The following PEX5L variants were observed in gnomAD, a reference collection of about 807,000 sequenced individuals.
The protein encoded by PEX5L is PEX5-related protein.
Under a neutral mutation model 84.0 loss-of-function variants are expected in PEX5L, and 30 were observed. That is an observed-to-expected ratio of 0.36 (90% confidence interval 0.27 to 0.48). The LOEUF is 0.48. Among genes scored for constraint, PEX5L ranks in the 20% least tolerant of loss-of-function variants. The pLI is 0.99. For missense variants in PEX5L, 533 were observed against 754.6 expected (o/e 0.71, Z 3.44); for synonymous variants, 270 against 283.1 (o/e 0.95, Z 0.46).
At position 179,943,107 on chromosome 3, in the gene PEX5L, G is replaced by A. The variant is rs139822850; in HGVS notation, c.93+28487C>T. On this transcript the variant is annotated intron_variant, in intron 2 of 14. Coordinates refer to ENST00000467460, the MANE Select transcript of PEX5L (RefSeq NM_016559.3). ...TGAACTATATGAGTTGAATATTATT[G>A]TTGTTATTATTATTTTACTATATTT... Among the ~76,000 whole-genome samples, 50 of 152,288 alleles carry A rather than the reference G, an allele frequency of 3.3e-4. No individual in the cohort carries two copies. The East Asian group carries it at 9.1e-3, about 28-fold the overall frequency.
intron 2 of PEX5L, among the ~76,000 whole-genome samples, chr3:179,905,463 CG>C (rs1384751100): frequency 1.3e-5 from 2 of 152,026 alleles, no homozygotes; most frequent in East Asian, 1.9e-4. Flanking sequence ...TTAGTAGAGA[CG>C]GGGTTTCACC....
chr3:179,880,333 G>C (rs1405035346), intron 4 of PEX5L, among the ~76,000 whole-genome samples: 3 of 152,162 alleles, frequency 2.0e-5, no homozygotes, highest in Admixed American at 6.6e-5. Flanking sequence ...AAATTGGTAA[G>C]AAAGGACTTA....
intron 8 of PEX5L, among the ~76,000 whole-genome samples, chr3:179,832,532 C>A (rs1733483371): frequency 6.6e-6 from 1 of 150,986 alleles, no homozygotes; most frequent in Non-Finnish European, 1.5e-5. Flanking sequence ...ACCCACCAAC[C>A]TTCCTATTTA....
chr3:180,029,227 C>A (rs1201995034), intron 1 of PEX5L, among the ~76,000 whole-genome samples: 2 of 151,788 alleles, frequency 1.3e-5, no homozygotes, highest in African/African-American at 4.9e-5. Context: ...CGGGGTTTCA[C>A]CATGTTGGCC....
intron 2 of PEX5L, among the ~76,000 whole-genome samples, chr3:179,939,109 G>A (rs934288589): frequency 3.3e-5 from 5 of 152,180 alleles, no homozygotes; most frequent in Non-Finnish European, 7.3e-5. Flanking sequence ...GAAATTCACT[G>A]CACCTAAAAA....
At chr3:179,914,781 C>G (rs1766432175) in intron 2 of PEX5L, among the ~76,000 whole-genome samples, 1 of 152,202 alleles carries the variant, frequency 6.6e-6, no homozygotes, top group Non-Finnish European at 1.5e-5. Context: ...AATTTCAAAA[C>G]TTTTGATCTC....
intron 8 of PEX5L, among the ~76,000 whole-genome samples, chr3:179,849,003 C>G (rs185194813): frequency 7.7e-4 from 118 of 152,296 alleles, no homozygotes; most frequent in African/African-American, 2.7e-3. Context: ...TTACAAGGAA[C>G]AGGGGACCCT....
At chr3:180,004,109 A>G (rs887878797) in intron 1 of PEX5L, among the ~76,000 whole-genome samples, 3 of 152,318 alleles carry the variant, frequency 2.0e-5, no homozygotes, top group Admixed American at 6.5e-5. Context: ...GAGTTTAGAA[A>G]GGTCATCCTA....
chr3:179,892,822 A>G (rs1321452928), intron 3 of PEX5L, among the ~76,000 whole-genome samples: 1 of 152,148 alleles, frequency 6.6e-6, no homozygotes, highest in Admixed American at 6.6e-5. Context: ...ATGAAAAAAA[A>G]TTAAAATAAA....
At chr3:179,873,327 T>C (rs1259881027) in intron 7 of PEX5L, among the ~76,000 whole-genome samples, 1 of 152,204 alleles carries the variant, frequency 6.6e-6, no homozygotes, top group Non-Finnish European at 1.5e-5. Flanking sequence ...CCTCAGATAG[T>C]ATATTTCCTC....
chr3:179,971,092 C>T (rs888208293), intron 2 of PEX5L, among the ~76,000 whole-genome samples: 1 of 152,016 alleles, frequency 6.6e-6, no homozygotes, highest in East Asian at 1.9e-4. Context: ...ATTAAATAGC[C>T]TCTTCTTTTT....
At chr3:180,028,458 CAGAAA>C (rs1791160814) in intron 1 of PEX5L, among the ~76,000 whole-genome samples, 1 of 152,072 alleles carries the variant, frequency 6.6e-6, no homozygotes, top group Non-Finnish European at 1.5e-5. Flanking sequence ...AACTGAAAAG[CAGAAA>C]AATATCAATT....
Position 180,020,346 on chromosome 3 carries a change from C to T in PEX5L, c.21+16233G>A, listed in dbSNP as rs141078527. Among the ~76,000 whole-genome samples the T allele has an allele frequency of 9.6e-3, 1,453 of 151,858 alleles. 24 individuals carry two copies. The highest frequency in any genetic ancestry group is 0.032 in the African/African-American group (1,337 of 41,414). On this transcript the variant is annotated intron_variant, in intron 1 of 14. Transcript: ENST00000467460. ...CGTAAAGTTAGATCAACAGCTTCTC[C>T]CCCAATAAAATCTAATTTTACACAT...
intron 7 of PEX5L, among the ~76,000 whole-genome samples, chr3:179,873,109 T>C (rs6443675): frequency 0.92 from 139,344 of 152,108 alleles, 63,896 homozygotes; most frequent in South Asian, 0.97. Flanking sequence ...TGAAGATTTC[T>C]TCTCTGTCTG....
rs560344222 is a variant in PEX5L at position 179,801,883 on chromosome 3, G to A, written c.1826C>T (p.Ala609Val). 5 of 1,613,912 alleles carry A rather than the reference G, an allele frequency of 3.1e-6. No homozygotes were observed. The highest frequency in any genetic ancestry group is 1.1e-5 in the South Asian group (1 of 91,062). ...GACATCCAGGTCACCAAGATTAGCC[G>A]CCTGGAAGAGTTCTGGTTGGTCCAT... Reference protein sequence around the residue: ...SLMDQPELFQAANLGDLDVLL... With the variant: ...SLMDQPELFQVANLGDLDVLL... Residue 609 changes from alanine (A) to valine (V), a missense_variant, in exon 15 of 15, where the codon GCG becomes GTG. By Grantham distance (64) the Ala-to-Val change is moderately conservative (BLOSUM62 0). Transcript: ENST00000467460.
chr3:179,830,681 A>G (rs1469394955), intron 8 of PEX5L, among the ~76,000 whole-genome samples: 1 of 152,202 alleles, frequency 6.6e-6, no homozygotes, highest in African/African-American at 2.4e-5. Flanking sequence ...TAATTTGGAC[A>G]GGACTAGAGA....
intron 1 of PEX5L, among the ~76,000 whole-genome samples, chr3:179,983,807 G>A (rs542720280): frequency 5.9e-5 from 9 of 152,178 alleles, no homozygotes; most frequent in African/African-American, 2.2e-4. Flanking sequence ...CAGCCACTGT[G>A]AGCTCAATAG....
intron 5 of PEX5L, among the ~76,000 whole-genome samples, chr3:179,878,864 C>T (rs968198229): frequency 1.3e-5 from 2 of 152,250 alleles, no homozygotes; most frequent in Admixed American, 1.3e-4. Context: ...CCCTACTAGA[C>T]TGTAAATTTG....
chr3:179,980,173 C>G (rs1786189868), intron 1 of PEX5L, among the ~76,000 whole-genome samples: 1 of 152,084 alleles, frequency 6.6e-6, no homozygotes, highest in Admixed American at 6.5e-5. Context: ...AATTTTGTTT[C>G]TGACAAGAAT....
Sources: gnomAD v4.1 joint callset for allele counts (sites outside exome capture counted in the v4.1 genomes callset) on GRCh38, gnomAD v4.1.1 for gene constraint, MANE v1.5 for transcripts, NCBI Gene and HGNC (gene_info 2026-07-23, HGNC 2026-07-21) for gene names.